EDNRB: variants seen among roughly 807,000 people sequenced by gnomAD.
The protein encoded by EDNRB is Hirschsprung disease 2.
A neutral mutation model predicts 46.4 loss-of-function variants in EDNRB; 18 were observed. That is an observed-to-expected ratio of 0.39 (90% CI 0.27 to 0.57). EDNRB has a LOEUF of 0.57. EDNRB is among the 20% of genes least tolerant of loss of function. The pLI is 0.61. For missense variants in EDNRB, 434 were observed against 537.5 expected, an observed-to-expected ratio of 0.81 and a Z score of 1.90; for synonymous variants, 213 against 204.9, an observed-to-expected ratio of 1.04 and a Z score of -0.34.
chr13:77,900,844 G>A (rs1443209507), intron 4 of EDNRB, among the ~76,000 whole-genome samples, 190 bp from the exon 5 acceptor site: 4 of 151,838 alleles, frequency 2.6e-5, no homozygotes, highest in African/African-American at 9.7e-5. Flanking sequence ...TCTTTAAAAA[G>A]TTCTGATTCT....
intron 1 of EDNRB, among the ~76,000 whole-genome samples, chr13:77,942,894 A>G (rs938435811): frequency 1.4e-4 from 22 of 152,146 alleles, no homozygotes; most frequent in African/African-American, 4.8e-4. Flanking sequence ...ACTTCCCTCT[A>G]CTTATAGTAA....
In EDNRB at chr13:77,903,166, G is replaced by A. The variant is rs1212186974; in HGVS notation, c.791C>T (p.Ala264Val). 3.1e-6 allele frequency: 5 copies of A among 1,612,596 alleles called. No individual in the cohort carries two copies. The highest frequency in any genetic ancestry group is 4.2e-6 in the Non-Finnish European group (5 of 1,179,188). The change falls in exon 3 of 7, where the codon GCT becomes GTT. Residue 264 changes from alanine (A) to valine (V), a missense_variant. Physicochemically the swap from Ala to Val is moderately conservative, Grantham distance 64. Transcript: ENST00000646607. ...ICLLHPVQKT[A>V]FMQFYKTAKD... is the part of the protein sequence containing the mutation. The stretch of plus-strand genomic sequence containing the variant: ...AAAAGTGAAATTTACCTGCATGAAA[G>A]CTGTCTTCTGAACGGGATGAAGCAA...
chr13:77,929,698 C>T (rs1318807598), intron 1 of EDNRB, among the ~76,000 whole-genome samples: 1 of 152,166 alleles, frequency 6.6e-6, no homozygotes, highest in Non-Finnish European at 1.5e-5. Context: ...AAGAATCATG[C>T]CCTTTTGCAA....
At chr13:77,955,941 A>G (rs1297546698) in intron 1 of EDNRB, among the ~76,000 whole-genome samples, 1 of 151,910 alleles carries the variant, frequency 6.6e-6, no homozygotes, top group Non-Finnish European at 1.5e-5. Context: ...AGTTTTTAAT[A>G]TATTTTAAAA....
intron 1 of EDNRB, among the ~76,000 whole-genome samples, chr13:77,908,602 T>C (rs1288501702): frequency 6.6e-6 from 1 of 152,016 alleles, no homozygotes. Context: ...CTTTCCCCAC[T>C]GAAGAGGAAA....
At chr13:77,956,980 G>A (rs1881259772) in intron 1 of EDNRB, among the ~76,000 whole-genome samples, 1 of 152,192 alleles carries the variant, frequency 6.6e-6, no homozygotes, top group Non-Finnish European at 1.5e-5. Context: ...CATATTCATA[G>A]GGACTGAGGA....
At chr13:77,901,545 T>C (rs1878986819) in intron 3 of EDNRB, among the ~76,000 whole-genome samples, 1 of 152,002 alleles carries the variant, frequency 6.6e-6, no homozygotes, top group South Asian at 2.1e-4. Context: ...TTGTGTGAAA[T>C]ATAACACCTA....
At chr13:77,949,309 C>A (rs759167039) in intron 1 of EDNRB, among the ~76,000 whole-genome samples, 1 of 152,158 alleles carries the variant, frequency 6.6e-6, no homozygotes, top group Non-Finnish European at 1.5e-5. Flanking sequence ...TTGTTAATGA[C>A]TGAACATAGC....
chr13:77,957,775 G>A (rs1040803093), intron 1 of EDNRB, among the ~76,000 whole-genome samples: 4 of 152,144 alleles, frequency 2.6e-5, no homozygotes, highest in Middle Eastern at 3.2e-3. Context: ...TTTTGTGAAG[G>A]AAACCATATA....
chr13:77,971,111 G>T (rs541959342), intron 1 of EDNRB, among the ~76,000 whole-genome samples: 29 of 152,120 alleles, frequency 1.9e-4, no homozygotes, highest in African/African-American at 7.0e-4. Context: ...TCAGAGGTTG[G>T]GCCCACTAGA....
At chr13:77,968,461 T>C (rs912316085) in intron 1 of EDNRB, among the ~76,000 whole-genome samples, 2 of 152,180 alleles carry the variant, frequency 1.3e-5, no homozygotes, top group Non-Finnish European at 2.9e-5. Flanking sequence ...CAAATGTCTG[T>C]TGAATGGATA....
chr13:77,908,589 C>G (rs574302105), intron 1 of EDNRB, among the ~76,000 whole-genome samples: 1 of 152,062 alleles, frequency 6.6e-6, no homozygotes, highest in Non-Finnish European at 1.5e-5. Context: ...TCTAAGGATA[C>G]AGCTTTCCCC....
At chr13:77,941,946 A>T (rs1880760525) in intron 1 of EDNRB, among the ~76,000 whole-genome samples, 1 of 152,232 alleles carries the variant, frequency 6.6e-6, no homozygotes, top group Admixed American at 6.5e-5. Flanking sequence ...CTTTGTCAGT[A>T]TTATGAAGCA....
At chr13:77,920,027 G>A, upstream of EDNRB, 1 of 161,246 alleles carries the variant, frequency 6.2e-6, no homozygotes. Context: ...ACCCCAACAC[G>A]GAACAGCTCG....
At chr13:77,947,576 A>G in intron 1 of EDNRB, 1 of 151,972 alleles carries the variant, frequency 6.6e-6, no homozygotes, top group East Asian at 1.9e-4. Context: ...GGGAGTTTTG[A>G]CCTGCTCCGT....
chr13:77,921,008 T>A (rs1348664363), upstream of EDNRB, among the ~76,000 whole-genome samples: 1 of 152,198 alleles, frequency 6.6e-6, no homozygotes, highest in East Asian at 1.9e-4. Context: ...CCTGGAAGTC[T>A]GCTCTAATCC....
At chr13:77,945,901 A>AAAAAAAAAAAAAAAC (rs1391892820) in intron 1 of EDNRB, among the ~76,000 whole-genome samples, 4 of 150,822 alleles carry the variant, frequency 2.7e-5, no homozygotes, top group Non-Finnish European at 5.9e-5. Flanking sequence ...AAACAAAAAA[A>AAAAAAAAAAAAAAAC]ACACACAATC....
chr13:77,918,835 C>T, upstream of EDNRB: 1 of 1,298,020 alleles, frequency 7.7e-7, no homozygotes, highest in East Asian at 2.9e-5. This position sits in a 1 kb window ranked among gnomAD's most constrained non-coding sequence, Gnocchi z 4.5. Context: ...TTTTCTTCCC[C>T]CGCGTGGCCA....
At chr13:77,970,024 C>T (rs1881684633) in intron 1 of EDNRB, among the ~76,000 whole-genome samples, 1 of 152,166 alleles carries the variant, frequency 6.6e-6, no homozygotes, top group Non-Finnish European at 1.5e-5. Flanking sequence ...TCCCACTTGC[C>T]TTTCAAGCTG....
Sources: allele counts gnomAD v4.1 joint callset (sites outside exome capture counted in the v4.1 genomes callset), GRCh38; gene constraint gnomAD v4.1.1; non-coding constraint Gnocchi (gnomAD v3.1); transcripts MANE v1.5; gene names NCBI Gene and HGNC (gene_info 2026-07-23, HGNC 2026-07-21).